The following LAMC1 variants were observed in gnomAD, a reference collection of about 807,000 sequenced individuals.
The protein encoded by LAMC1 is laminin subunit gamma 1.
LAMC1 carries 38 observed loss-of-function variants against 173.6 expected under a neutral mutation model. The ratio of observed to expected loss-of-function variants is 0.22; its 90% CI spans 0.17 to 0.29. LAMC1 has a LOEUF of 0.29. Ranked by LOEUF, LAMC1 falls within the 10% of genes least tolerant of loss-of-function variation. The pLI is 1.00. For missense variants in LAMC1, 1,824 were observed against 2,051.8 expected, an observed-to-expected ratio of 0.89 and a Z score of 2.14; for synonymous variants, 746 against 749.1, an observed-to-expected ratio of 1.00 and a Z score of 0.07.
intron 1 of LAMC1, among the ~76,000 whole-genome samples, chr1:183,099,187 C>G (rs1431504041): frequency 6.6e-6 from 1 of 152,032 alleles, no homozygotes; most frequent in Non-Finnish European, 1.5e-5. Context: ...CTCCTGAGTT[C>G]CAGCAATTCT....
chr1:183,092,196 A>G (rs575004188), intron 1 of LAMC1, among the ~76,000 whole-genome samples: 1 of 152,372 alleles, frequency 6.6e-6, no homozygotes, highest in African/African-American at 2.4e-5. Context: ...TAAATTGCAC[A>G]TTAAAATGTC....
Position 183,094,315 on chromosome 1 carries a change from A to G in LAMC1, c.419-9013A>G, listed in dbSNP as rs189626717. On this transcript the variant is annotated intron_variant, in intron 1 of 27. Coordinates refer to ENST00000258341, the MANE Select transcript of LAMC1 (RefSeq NM_002293.4). ...ACTCTGCTCAGATTTCACCTTATCC[A>G]TGTCATGAGACCATCTCTGATAATG... 2.2e-3 allele frequency among the ~76,000 whole-genome samples: 331 copies of G among 152,324 alleles called. 2 individuals carry two copies. Among genetic ancestry groups the G allele is most frequent in the South Asian group, 5.4e-3 (26 of 4,824 alleles).
intron 2 of LAMC1, among the ~76,000 whole-genome samples, chr1:183,106,321 T>C (rs2333622): frequency 0.51 from 78,304 of 152,134 alleles, 20,877 homozygotes; most frequent in South Asian, 0.65. Flanking sequence ...ACATTACAGA[T>C]GACTAAAAGA....
intron 1 of LAMC1, among the ~76,000 whole-genome samples, chr1:183,065,492 G>A (rs2102035572): frequency 6.6e-6 from 1 of 152,264 alleles, no homozygotes; most frequent in Middle Eastern, 3.4e-3. Flanking sequence ...ACTTAAGTCT[G>A]CTATTAAGGC....
intron 21 of LAMC1, among the ~76,000 whole-genome samples, chr1:183,132,928 G>A (rs1314716913): frequency 6.6e-6 from 1 of 152,016 alleles, no homozygotes; most frequent in Non-Finnish European, 1.5e-5. Context: ...TTGTTTTTGT[G>A]AGATGAAGTC....
chr1:183,117,971 A>C, intron 10 of LAMC1, 63 bp from the exon 11 acceptor site: 1 of 992,392 alleles, frequency 1.0e-6, no homozygotes, highest in Non-Finnish European at 1.6e-6. Flanking sequence ...TGAATAAGAA[A>C]TATTTCCCCA....
chr1:183,077,698 T>A (rs1422184476), intron 1 of LAMC1, among the ~76,000 whole-genome samples: 1 of 151,280 alleles, frequency 6.6e-6, no homozygotes, highest in Non-Finnish European at 1.5e-5. Context: ...AATAAGAGTC[T>A]TCAGTCTCAT....
chr1:183,130,903 G>A (rs971242977), intron 19 of LAMC1, among the ~76,000 whole-genome samples: 8 of 152,218 alleles, frequency 5.3e-5, no homozygotes, highest in South Asian at 2.1e-4. Flanking sequence ...GGCCAGGCGC[G>A]GTGGCTCACG....
At chr1:183,052,749 A>G (rs1201213652) in intron 1 of LAMC1, among the ~76,000 whole-genome samples, 1 of 152,168 alleles carries the variant, frequency 6.6e-6, no homozygotes, top group Non-Finnish European at 1.5e-5. Flanking sequence ...TCTTATAATA[A>G]TATATCACTT....
intron 26 of LAMC1, 61 bp from the exon 27 acceptor site, chr1:183,140,343 A>G: frequency 1.0e-6 from 1 of 1,000,282 alleles, no homozygotes; most frequent in Non-Finnish European, 1.4e-6. Flanking sequence ...CATTGGGAAA[A>G]AAGATTTAAA....
At chr1:183,058,812 T>G (rs1654667092) in intron 1 of LAMC1, among the ~76,000 whole-genome samples, 1 of 152,122 alleles carries the variant, frequency 6.6e-6, no homozygotes, top group Non-Finnish European at 1.5e-5. Context: ...AGGTGATTAA[T>G]GGGGTAGAAA....
At chr1:183,092,870 G>A (rs1655601174) in intron 1 of LAMC1, among the ~76,000 whole-genome samples, 1 of 152,134 alleles carries the variant, frequency 6.6e-6, no homozygotes, top group South Asian at 2.1e-4. Context: ...AAATCCAGCT[G>A]CCACACTGGA....
chr1:183,038,126 C>G (rs7415796), intron 1 of LAMC1, among the ~76,000 whole-genome samples: 50,740 of 151,040 alleles, frequency 0.34, 9,601 homozygotes, highest in East Asian at 0.49. Context: ...ACCTCCGCCT[C>G]CCAGGTTCAA....
chr1:183,131,294 T>C lies in LAMC1; in HGVS notation c.3487-5T>C. 2 of 1,609,656 alleles carry C rather than the reference T, an allele frequency of 1.2e-6. No homozygotes were observed. The highest frequency in any genetic ancestry group is 2.2e-5 in the East Asian group (1 of 44,864). The stretch of plus-strand genomic sequence containing the variant: ...TTGAGAATAAGTGCTTTATTTCCTG[T>C]GCAGTCAGTCACTCAGCCAGAATCT... On this transcript the variant is annotated splice_polypyrimidine_tract_variant and splice_region_variant and intron_variant, in intron 19 of 27. Transcript: ENST00000258341.
chr1:183,046,226 G>T (rs1654262333), intron 1 of LAMC1, among the ~76,000 whole-genome samples: 1 of 151,996 alleles, frequency 6.6e-6, no homozygotes, highest in South Asian at 2.1e-4. Flanking sequence ...AGTTTATCTG[G>T]AGTCGATTCA....
rs746664718 is a variant in LAMC1 at position 183,115,595 on chromosome 1, G to A, written c.1286G>A (p.Arg429His). Residue 429 changes from arginine (R) to histidine (H), a missense_variant, in exon 6 of 28, where the codon CGT (arginine) becomes CAT (histidine). Coordinates refer to ENST00000258341, the MANE Select transcript of LAMC1 (RefSeq NM_002293.4). ...GGAGTGATGGGGGACAAATGTGACCGTTGCCAGCCTGGATTCCATTCTCTC... is the reference window on the plus strand; with the variant it reads ...GGAGTGATGGGGGACAAATGTGACCATTGCCAGCCTGGATTCCATTCTCTC... ...KPGVMGDKCDRCQPGFHSLTE... is the reference protein window; with the variant it reads ...KPGVMGDKCDHCQPGFHSLTE... 22 of 1,613,854 alleles carry A rather than the reference G, an allele frequency of 1.4e-5. No individual in the cohort carries two copies. Among genetic ancestry groups the A allele is most frequent in the South Asian group, 5.5e-5 (5 of 91,082 alleles).
At chr1:183,054,885 C>A (rs895818887) in intron 1 of LAMC1, among the ~76,000 whole-genome samples, 8 of 152,028 alleles carry the variant, frequency 5.3e-5, no homozygotes, top group Non-Finnish European at 1.0e-4. Flanking sequence ...GGCCAGGAAG[C>A]CAGTGGTTCC....
At chr1:183,134,883 C>A in intron 23 of LAMC1, 74 bp downstream of exon 23, 1 of 1,469,990 alleles carries the variant, frequency 6.8e-7, no homozygotes, top group South Asian at 1.2e-5. Flanking sequence ...GTGATGATGC[C>A]GTACTTTCAG....
chr1:183,115,374 G>T lies in LAMC1; in HGVS notation c.1211-146G>T, dbSNP rs1051477005. On this transcript the variant is annotated intron_variant, in intron 5 of 27. Transcript: ENST00000258341. ...TGAGAAAGTTCTGATTTAAAATTTG[G>T]TTTTTATTACCTTTGTGACCATCAG... 6 of 617,610 alleles carry T rather than the reference G, an allele frequency of 9.7e-6. No homozygotes were observed. The Admixed American group carries it at 1.2e-4, about 12-fold the overall frequency. 38.3% of individuals were successfully genotyped at this position (617,610 alleles called of 1,614,324 possible). A position where few individuals can be genotyped will look rare whatever the true frequency, so the allele number is the denominator to read the frequency against.
Sources: allele counts gnomAD v4.1 joint callset (sites outside exome capture counted in the v4.1 genomes callset), GRCh38; gene constraint gnomAD v4.1.1; transcripts MANE v1.5; gene names NCBI Gene and HGNC (gene_info 2026-07-23, HGNC 2026-07-21).